The following EPRS1 variants were observed in gnomAD, a reference collection of about 807,000 sequenced individuals.
EPRS1 encodes bifunctional glutamate/proline--tRNA ligase.
Under a neutral mutation model 188.3 loss-of-function variants are expected in EPRS1, and 107 were observed. The observed-to-expected ratio is 0.57, with a 90% confidence interval of 0.49 to 0.67. EPRS1 has a LOEUF of 0.67. Among genes scored for constraint, EPRS1 ranks in the 30% least tolerant of loss-of-function variants. The pLI, the probability that EPRS1 is intolerant of heterozygous loss-of-function variation, is 0.00. For missense variants in EPRS1, 1,577 were observed against 1,802.2 expected (o/e 0.88, Z 2.26); for synonymous variants, 596 against 593.1 (o/e 1.00, Z -0.07).
intron 4 of EPRS1, 95 bp downstream of exon 4, chr1:220,033,407 A>G (rs1662121227): frequency 1.1e-5 from 9 of 853,512 alleles, no homozygotes; most frequent in Non-Finnish European, 1.7e-5. Flanking sequence ...ATACACACAC[A>G]TATACATACA....
At chr1:219,985,020 G>T (rs2102566462) in intron 20 of EPRS1, among the ~76,000 whole-genome samples, 1 of 150,204 alleles carries the variant, frequency 6.7e-6, no homozygotes, top group South Asian at 2.1e-4. Context: ...CTCCAGCCTG[G>T]GCAACAAAAG....
chr1:219,982,994 A>G, intron 22 of EPRS1, 150 bp from the exon 23 acceptor site: 2 of 758,222 alleles, frequency 2.6e-6, no homozygotes, highest in Non-Finnish European at 4.4e-6. Context: ...GAGGAAAGGT[A>G]CGCACTTACT....
chr1:220,001,778 T>A (rs1463678808), intron 16 of EPRS1, among the ~76,000 whole-genome samples: 1 of 152,178 alleles, frequency 6.6e-6, no homozygotes, highest in East Asian at 1.9e-4. Context: ...CCTATAATAC[T>A]GGCACTTTGA....
At chr1:220,045,538 ATTC>A (rs1010097490) in intron 1 of EPRS1, among the ~76,000 whole-genome samples, 3 of 152,138 alleles carry the variant, frequency 2.0e-5, no homozygotes, top group Non-Finnish European at 4.4e-5. Flanking sequence ...AACTACTTAA[ATTC>A]TTCTGTGTAA....
chr1:219,982,532 C>T, intron 23 of EPRS1: 1 of 333,066 alleles, frequency 3.0e-6, no homozygotes. Context: ...AAATTTACAG[C>T]ATAAAAATGA....
At position 220,037,938 on chromosome 1, in the gene EPRS1, T is replaced by C. The variant is rs928479010; in HGVS notation, c.131+2247A>G. Among the ~76,000 whole-genome samples the C allele has an allele frequency of 1.3e-5, 2 of 152,268 alleles. 1 individual carries two copies. The highest frequency in any genetic ancestry group is 4.8e-5 in the African/African-American group (2 of 41,558). ...TAGTAAATAAAACTTACACGGTCATTATAATGTAAATACAGAATGGTAATC... is the reference window on the plus strand; with the variant it reads ...TAGTAAATAAAACTTACACGGTCATCATAATGTAAATACAGAATGGTAATC... On this transcript the variant is annotated intron_variant, in intron 2 of 31. Coordinates refer to ENST00000366923, the MANE Select transcript of EPRS1 (RefSeq NM_004446.3).
intron 20 of EPRS1, among the ~76,000 whole-genome samples, chr1:219,984,935 G>A (rs571973948): frequency 7.9e-4 from 120 of 152,044 alleles, no homozygotes; most frequent in African/African-American, 2.7e-3. Flanking sequence ...AGCTACTCGG[G>A]AGGCTGAGGC....
chr1:219,997,056 C>T lies in EPRS1; in HGVS notation c.2468G>A (p.Ser823Asn). Residue 823 changes from serine to asparagine, a missense_variant, in exon 18 of 32, where the codon AGT becomes AAT. Physicochemically the swap from Ser to Asn is conservative, Grantham distance 46. Coordinates refer to ENST00000366923, the MANE Select transcript of EPRS1 (RefSeq NM_004446.3). The part of the protein sequence containing the change: ...SSNSSASILE[S>N]KSLYDEVAAQ... ...AGCAACTTCATCATACAGAGATTTA[C>T]TTTCCAGAATACTTGCTGAGGAATT... 2 of 1,613,862 alleles carry T rather than the reference C, an allele frequency of 1.2e-6. No individual in the cohort carries two copies. Among genetic ancestry groups the T allele is most frequent in the Non-Finnish European group, 1.7e-6 (2 of 1,179,922 alleles).
chr1:220,026,117 T>A (rs1661967764), intron 6 of EPRS1, among the ~76,000 whole-genome samples: 1 of 152,200 alleles, frequency 6.6e-6, no homozygotes, highest in Non-Finnish European at 1.5e-5. Flanking sequence ...TAACTTTAAT[T>A]TTTTAACTTC....
At chr1:219,974,520 C>G (rs1216829276) in intron 28 of EPRS1, among the ~76,000 whole-genome samples, 13 of 151,894 alleles carry the variant, frequency 8.6e-5, no homozygotes, top group Admixed American at 8.5e-4. Flanking sequence ...ATGAATAATC[C>G]TCTAAAATTA....
chr1:219,997,726 GA>G (rs1661264435), intron 17 of EPRS1, among the ~76,000 whole-genome samples: 2 of 152,242 alleles, frequency 1.3e-5, no homozygotes, highest in Admixed American at 6.5e-5. Context: ...ATAAAAGGGG[GA>G]TAACCATACT....
intron 3 of EPRS1, among the ~76,000 whole-genome samples, chr1:220,034,361 G>A (rs1401633998): frequency 6.6e-6 from 1 of 152,104 alleles, no homozygotes; most frequent in Non-Finnish European, 1.5e-5. Context: ...ATCCCCTTTA[G>A]GTTTTTGTAG....
chr1:220,027,758 G>A (rs1168602661), intron 6 of EPRS1, among the ~76,000 whole-genome samples: 3 of 151,954 alleles, frequency 2.0e-5, no homozygotes, highest in African/African-American at 4.8e-5. Flanking sequence ...CAAGGCAGGC[G>A]GATCACCTGA....
At position 219,984,680 on chromosome 1, in the gene EPRS1, C is replaced by A. The variant is rs114215331; in HGVS notation, c.3039-423G>T. On this transcript the variant is annotated intron_variant, in intron 20 of 31. Transcript: ENST00000366923. ...TCATGCAATCCTCCTGTTCTGGCCTCCCAGAGTGCTGGGATTACAGGCATG... is the reference window on the plus strand; with the variant it reads ...TCATGCAATCCTCCTGTTCTGGCCTACCAGAGTGCTGGGATTACAGGCATG... Among the ~76,000 whole-genome samples the A allele has an allele frequency of 3.4e-3, 525 of 152,290 alleles. 5 individuals are homozygous for A. The highest frequency in any genetic ancestry group is 0.012 in the African/African-American group (514 of 41,566).
In EPRS1 at chr1:219,984,210, G is replaced by A. The variant is rs993925858; in HGVS notation, c.3086C>T (p.Ser1029Phe). 3 of 1,612,364 alleles carry A rather than the reference G, an allele frequency of 1.9e-6. No homozygotes were observed. Among genetic ancestry groups the A allele is most frequent in the East Asian group, 2.2e-5 (1 of 44,830 alleles). The change falls in exon 21 of 32, where the codon TCT becomes TTT. Residue 1029 changes from serine to phenylalanine, a missense_variant. Around this residue, in one of 3 missense-constraint regions of EPRS1, gnomAD observed 1,278 missense variants for 1,457.4 expected, o/e 0.88. Transcript: ENST00000366923. ...ATCAACTGAATGCATACTCACCTGA[G>A]AATACCAATCAGCAAGATTTTCTTC... ...KKEENLADWY[S>F]QVITKSEMIE...
At chr1:220,000,719 G>T (rs968311565) in intron 17 of EPRS1, among the ~76,000 whole-genome samples, 6 of 152,184 alleles carry the variant, frequency 3.9e-5, no homozygotes, top group African/African-American at 1.4e-4. Flanking sequence ...GGTGACTCAT[G>T]CCTATAATCC....
At chr1:220,039,640 TC>T (rs1662256348) in intron 2 of EPRS1, among the ~76,000 whole-genome samples, 1 of 151,748 alleles carries the variant, frequency 6.6e-6, no homozygotes, top group African/African-American at 2.4e-5. Flanking sequence ...TGCCTCAGCC[TC>T]CCAGGTAGCT....
intron 7 of EPRS1, among the ~76,000 whole-genome samples, chr1:220,024,710 T>C (rs1306135139): frequency 1.3e-5 from 2 of 152,332 alleles, no homozygotes; most frequent in East Asian, 3.9e-4. Flanking sequence ...GAAAAGCTGG[T>C]CATTACTGGG....
chr1:219,985,697 G>A (rs565588300), intron 20 of EPRS1, among the ~76,000 whole-genome samples: 12 of 152,236 alleles, frequency 7.9e-5, no homozygotes, highest in South Asian at 6.2e-4. Context: ...GAACCACCAC[G>A]CCTGGCCTCA....
Sources: allele counts gnomAD v4.1 joint callset (sites outside exome capture counted in the v4.1 genomes callset), GRCh38; gene constraint gnomAD v4.1.1; regional missense constraint gnomAD v4.1.1; transcripts MANE v1.5; gene names NCBI Gene and HGNC (gene_info 2026-07-23, HGNC 2026-07-21).